TUSC3: variants seen among roughly 807,000 people sequenced by gnomAD.
TUSC3 encodes the protein tumor suppressor candidate 3.
TUSC3 carries 45 observed loss-of-function variants against 44.8 expected under a neutral mutation model. The ratio of observed to expected loss-of-function variants is 1.00; its 90% CI spans 0.79 to 1.29. The LOEUF is 1.29. Ranked by LOEUF, TUSC3 falls within the 50% of genes most tolerant of loss-of-function variation. TUSC3 has a pLI of 0.00. For synonymous variants in TUSC3, 212 were observed against 152.9 expected, an observed-to-expected ratio of 1.39 and a Z score of -2.85; for missense variants, 519 against 437.9, an observed-to-expected ratio of 1.19 and a Z score of -1.65.
rs577290142 is a variant in TUSC3, at chr8:15,512,096, A to C, written n.189+28613A>C. The stretch of plus-strand genomic sequence containing the variant: ...AGAGGAACAATGTTGGAAGACTTGT[A>C]CTACGTAATTTCAAAACTTACTATA... On this transcript the variant is annotated intron_variant and non_coding_transcript_variant, in intron 2 of 5. Transcript: ENST00000503191. Among the ~76,000 whole-genome samples, 3 of 152,360 alleles carry C rather than the reference A, an allele frequency of 2.0e-5. No homozygotes were observed. In the South Asian group the frequency reaches 6.2e-4, roughly 32 times the overall value.
the TUSC3 span, among the ~76,000 whole-genome samples, chr8:15,774,134 T>C: frequency 6.6e-6 from 1 of 152,156 alleles, no homozygotes; most frequent in Non-Finnish European, 1.5e-5. Context: ...AAATCATATA[T>C]CTGATAAGGA....
downstream of TUSC3, among the ~76,000 whole-genome samples, chr8:15,771,636 A>G (rs543317438): frequency 8.5e-5 from 13 of 152,312 alleles, no homozygotes; most frequent in South Asian, 2.7e-3. Context: ...TGGAAAATAA[A>G]TAATATAAAA....
chr8:15,539,153 C>G (rs1172876045), upstream of TUSC3, among the ~76,000 whole-genome samples: 1 of 151,574 alleles, frequency 6.6e-6, no homozygotes, highest in Non-Finnish European at 1.5e-5. Flanking sequence ...CTGGCTAATA[C>G]TATGTATTTA....
chr8:15,510,633 C>A (rs1042076964), intron 2 of TUSC3, among the ~76,000 whole-genome samples: 2 of 152,094 alleles, frequency 1.3e-5, no homozygotes, highest in East Asian at 3.9e-4. Context: ...CCAGATGGCT[C>A]TCTTGATAAA....
chr8:15,717,345 T>C (rs896586097), intron 6 of TUSC3, among the ~76,000 whole-genome samples: 2 of 152,088 alleles, frequency 1.3e-5, no homozygotes, highest in South Asian at 4.1e-4. Flanking sequence ...CTTAAGAACC[T>C]GTATAGAGGT....
intron 2 of TUSC3, among the ~76,000 whole-genome samples, chr8:15,490,292 G>C (rs1457818557): frequency 6.6e-6 from 1 of 152,176 alleles, no homozygotes; most frequent in Non-Finnish European, 1.5e-5. Flanking sequence ...ACATCCAAAT[G>C]CAGGTGGAAT....
At chr8:15,816,054 A>T in the TUSC3 span, among the ~76,000 whole-genome samples, 1 of 152,132 alleles carries the variant, frequency 6.6e-6, no homozygotes, top group East Asian at 1.9e-4. Flanking sequence ...CAGTTTACCC[A>T]GTGTATTGTG....
intron 2 of TUSC3, among the ~76,000 whole-genome samples, chr8:15,496,040 T>G (rs1355554990): frequency 6.6e-6 from 1 of 152,132 alleles, no homozygotes; most frequent in Non-Finnish European, 1.5e-5. Flanking sequence ...CCATCACCCT[T>G]ATTTTATTTT....
At chr8:15,674,444 G>A (rs1272754503) in intron 6 of TUSC3, among the ~76,000 whole-genome samples, 1 of 151,904 alleles carries the variant, frequency 6.6e-6, no homozygotes, top group African/African-American at 2.4e-5. Flanking sequence ...ACAGTATTAG[G>A]ATAGTGAAGA....
intron 7 of TUSC3, among the ~76,000 whole-genome samples, chr8:15,740,982 C>A (rs528599448): frequency 6.6e-6 from 1 of 152,118 alleles, no homozygotes; most frequent in African/African-American, 2.4e-5. Context: ...AAATGAGAAA[C>A]ATGTTACTCA....
intron 8 of TUSC3, among the ~76,000 whole-genome samples, chr8:15,746,466 C>T (rs1811419419): frequency 6.6e-6 from 1 of 152,086 alleles, no homozygotes; most frequent in African/African-American, 2.4e-5. Flanking sequence ...AATGCATCTG[C>T]CTCATTATGG....
At position 15,620,128 on chromosome 8, in the gene TUSC3, A is replaced by G. The variant is rs369675415; in HGVS notation, c.139-2952A>G. On this transcript the variant is annotated intron_variant, in intron 1 of 10. Coordinates refer to ENST00000503731, the MANE Select transcript of TUSC3 (RefSeq NM_006765.4). ...TCGATTAACTTGGAAGTGTGTGTGC[A>G]TATGTGTACACCATAAAGAGATAGA... 1.2e-4 allele frequency among the ~76,000 whole-genome samples: 18 copies of G among 152,332 alleles called. No individual in the cohort carries two copies. The East Asian group carries it at 3.5e-3, about 29-fold the overall frequency.
At chr8:15,662,398 T>G in intron 5 of TUSC3, 102 bp downstream of exon 5, 10 of 1,497,198 alleles carry the variant, frequency 6.7e-6, no homozygotes, top group Non-Finnish European at 9.2e-6. Flanking sequence ...TAATAGAACT[T>G]AAGTCTGAAT....
chr8:15,704,087 G>T (rs1308979197), intron 6 of TUSC3, among the ~76,000 whole-genome samples: 2 of 152,056 alleles, frequency 1.3e-5, no homozygotes, highest in Non-Finnish European at 2.9e-5. Context: ...AAGTAAAGCA[G>T]AGTGATAGAA....
intron 5 of TUSC3, among the ~76,000 whole-genome samples, chr8:15,666,484 G>C (rs1258394091): frequency 3.3e-4 from 50 of 151,140 alleles, no homozygotes; most frequent in Non-Finnish European, 3.0e-5. Flanking sequence ...TTGGAGATTA[G>C]TATATGTCAT....
intron 2 of TUSC3, among the ~76,000 whole-genome samples, chr8:15,512,884 A>G (rs1304271203): frequency 1.4e-5 from 2 of 143,134 alleles, no homozygotes; most frequent in African/African-American, 2.6e-5. Context: ...ATATATATAT[A>G]TACACACAAT....
At chr8:15,663,249 A>G (rs1368675688) in intron 5 of TUSC3, among the ~76,000 whole-genome samples, 2 of 151,996 alleles carry the variant, frequency 1.3e-5, no homozygotes, top group Middle Eastern at 6.9e-3. Context: ...ACATATATCT[A>G]GATAAATACA....
intron 6 of TUSC3, among the ~76,000 whole-genome samples, chr8:15,720,041 G>A (rs1204352171): frequency 6.6e-6 from 1 of 152,024 alleles, no homozygotes; most frequent in Non-Finnish European, 1.5e-5. Flanking sequence ...GCCTCAGCAT[G>A]TTGAGTAGCT....
chr8:15,491,985 C>G (rs549844484), intron 2 of TUSC3, among the ~76,000 whole-genome samples: 48 of 152,332 alleles, frequency 3.2e-4, no homozygotes, highest in Non-Finnish European at 6.0e-4. Context: ...TACCTCAAAT[C>G]TCTGAGCAGT....
Sources: gnomAD v4.1 joint callset for allele counts (sites outside exome capture counted in the v4.1 genomes callset) on GRCh38, gnomAD v4.1.1 for gene constraint, MANE v1.5 for transcripts, NCBI Gene and HGNC (gene_info 2026-07-23, HGNC 2026-07-21) for gene names.